NDRG3: variants seen among roughly 807,000 people sequenced by gnomAD.
NDRG3 encodes the protein protein NDRG3.
In NDRG3, 23 loss-of-function variants were observed where a neutral mutation model predicts 57.2. The observed-to-expected ratio is 0.40, with a 90% CI of 0.29 to 0.57. The LOEUF (loss-of-function observed/expected upper bound fraction) is 0.57, where lower values mean the gene tolerates loss of function less well. NDRG3 is among the 20% of genes least tolerant of loss of function. NDRG3 has a pLI of 0.42. For missense variants in NDRG3, 384 were observed against 457.3 expected (o/e 0.84, Z 1.46); for synonymous variants, 132 against 162.6 (o/e 0.81, Z 1.43).
chr20:36,659,876 G>C (rs1006037346), intron 13 of NDRG3, among the ~76,000 whole-genome samples: 2 of 151,596 alleles, frequency 1.3e-5, no homozygotes, highest in African/African-American at 4.8e-5. Flanking sequence ...TGAGATTACA[G>C]GTGTGAGCCA....
At chr20:36,682,681 T>A in intron 6 of NDRG3, 103 bp from the exon 7 acceptor site, 1 of 949,024 alleles carries the variant, frequency 1.1e-6, no homozygotes, top group East Asian at 2.5e-5. Flanking sequence ...GGCTCTGATA[T>A]TTATTAGATG....
At chr20:36,717,934 T>C (rs1984369166) in intron 2 of NDRG3, among the ~76,000 whole-genome samples, 1 of 152,182 alleles carries the variant, frequency 6.6e-6, no homozygotes, top group African/African-American at 2.4e-5. Context: ...AGAGCAGTGT[T>C]CCACAACAAA....
intron 1 of NDRG3, among the ~76,000 whole-genome samples, 194 bp downstream of exon 1, chr20:36,745,851 C>T: frequency 8.3e-6 from 1 of 120,266 alleles, no homozygotes; most frequent in East Asian, 2.8e-4. Flanking sequence ...CGAGGAAAGC[C>T]GGGCTGACCT....
chr20:36,726,878 C>T (rs937599849), intron 1 of NDRG3, among the ~76,000 whole-genome samples: 1 of 151,796 alleles, frequency 6.6e-6, no homozygotes, highest in Non-Finnish European at 1.5e-5. Flanking sequence ...TATGTTTAAT[C>T]CTCATAACAA....
At chr20:36,673,407 CT>C (rs543016967) in intron 8 of NDRG3, among the ~76,000 whole-genome samples, 56 of 151,036 alleles carry the variant, frequency 3.7e-4, no homozygotes, top group Non-Finnish European at 6.1e-4. Context: ...TGTTTGTTTT[CT>C]TTTTTTTTGA....
At chr20:36,698,172 G>A (rs113774844) in intron 3 of NDRG3, among the ~76,000 whole-genome samples, 9 of 151,890 alleles carry the variant, frequency 5.9e-5, no homozygotes, top group African/African-American at 2.2e-4. Context: ...TCAACATGTT[G>A]GCCAGGCTGG....
intron 1 of NDRG3, among the ~76,000 whole-genome samples, chr20:36,740,108 T>C (rs574204321): frequency 1.7e-4 from 26 of 152,186 alleles, no homozygotes; most frequent in African/African-American, 5.1e-4. Flanking sequence ...AAACCACCAC[T>C]GTACTTAGAA....
intron 1 of NDRG3, among the ~76,000 whole-genome samples, chr20:36,722,886 C>T (rs531117004): frequency 1.3e-5 from 2 of 152,300 alleles, no homozygotes; most frequent in Admixed American, 1.3e-4. Flanking sequence ...AAACGCATTA[C>T]ACTTTGTGCT....
intron 2 of NDRG3, among the ~76,000 whole-genome samples, chr20:36,718,263 C>T (rs564514742): frequency 6.6e-6 from 1 of 152,234 alleles, no homozygotes; most frequent in Admixed American, 6.5e-5. Context: ...TTTGGAGGTG[C>T]CATGATCTAA....
At chr20:36,702,912 G>A (rs974381347) in intron 3 of NDRG3, among the ~76,000 whole-genome samples, 4 of 151,640 alleles carry the variant, frequency 2.6e-5, no homozygotes, top group Admixed American at 1.3e-4. Flanking sequence ...TTGAACTCCC[G>A]ACCTCAGGTC....
chr20:36,742,015 C>A (rs924025732), intron 1 of NDRG3, among the ~76,000 whole-genome samples: 2 of 152,122 alleles, frequency 1.3e-5, no homozygotes, highest in African/African-American at 4.8e-5. Flanking sequence ...GTTTTCCTGT[C>A]CTTTTGATTA....
intron 3 of NDRG3, among the ~76,000 whole-genome samples, chr20:36,705,496 T>A: frequency 6.6e-6 from 1 of 152,150 alleles, no homozygotes; most frequent in South Asian, 2.1e-4. Context: ...TGCTTAGAGA[T>A]TCCACTGTAC....
intron 2 of NDRG3, among the ~76,000 whole-genome samples, chr20:36,707,711 T>C (rs894210462): frequency 7.2e-5 from 11 of 152,072 alleles, no homozygotes; most frequent in African/African-American, 1.7e-4. Flanking sequence ...TAATGACTGA[T>C]TGAGGAAAAA....
At chr20:36,734,901 G>A (rs1235889692) in intron 1 of NDRG3, among the ~76,000 whole-genome samples, 2 of 152,076 alleles carry the variant, frequency 1.3e-5, no homozygotes, top group Non-Finnish European at 2.9e-5. Flanking sequence ...TGCAGCTTGT[G>A]GGTGCTGGGA....
At chr20:36,667,232 CTT>C (rs1442154684) in intron 9 of NDRG3, among the ~76,000 whole-genome samples, 2 of 152,046 alleles carry the variant, frequency 1.3e-5, no homozygotes, top group African/African-American at 2.4e-5. Flanking sequence ...GTTTATGACA[CTT>C]TATTGATTTA....
intron 13 of NDRG3, 142 bp from the exon 14 acceptor site, chr20:36,656,674 G>A (rs1978703251): frequency 2.3e-5 from 18 of 774,764 alleles, no homozygotes; most frequent in South Asian, 1.6e-4. Flanking sequence ...ATGCACCTAC[G>A]TACAAACATT....
intron 1 of NDRG3, among the ~76,000 whole-genome samples, chr20:36,733,489 C>T (rs2148221171): frequency 6.6e-6 from 1 of 151,896 alleles, no homozygotes; most frequent in Non-Finnish European, 1.5e-5. Context: ...CTTTGGGAGG[C>T]CAAGGCGGGC....
At chr20:36,676,172 G>A (rs901509111) in intron 8 of NDRG3, among the ~76,000 whole-genome samples, 51 of 152,020 alleles carry the variant, frequency 3.4e-4, no homozygotes, top group Admixed American at 1.2e-3. Flanking sequence ...CCCGGGAGGC[G>A]GAGCTTGCAG....
At chr20:36,693,121 TATATATATATATATATATATACAC>T (rs1568647044) in intron 3 of NDRG3, among the ~76,000 whole-genome samples, 1 of 56,574 alleles carries the variant, frequency 1.8e-5, no homozygotes, top group African/African-American at 7.4e-5. Flanking sequence ...TATATATATA[TATATATATATATATATATATACAC>T]ACACACACAT....
Sources: allele counts gnomAD v4.1 joint callset (sites outside exome capture counted in the v4.1 genomes callset), GRCh38; gene constraint gnomAD v4.1.1; transcripts MANE v1.5; gene names NCBI Gene and HGNC (gene_info 2026-07-23, HGNC 2026-07-21).